The following PDZD2 variants were observed in gnomAD, a reference collection of about 807,000 sequenced individuals.
The protein encoded by PDZD2 is PDZ domain containing 2.
A neutral mutation model predicts 220.7 loss-of-function variants in PDZD2; 90 were observed. That is an observed-to-expected ratio of 0.41 (90% CI 0.34 to 0.49). PDZD2 has a LOEUF of 0.49. Among genes scored for constraint, PDZD2 ranks in the 20% least tolerant of loss-of-function variants. PDZD2 has a pLI of 0.28. For missense variants in PDZD2, 3,174 were observed against 3,608.5 expected (o/e 0.88, Z 3.08); for synonymous variants, 1,375 against 1,450.5 (o/e 0.95, Z 1.18).
intron 2 of PDZD2, among the ~76,000 whole-genome samples, chr5:31,942,581 C>T (rs1174468754): frequency 2.6e-5 from 4 of 152,196 alleles, no homozygotes; most frequent in Non-Finnish European, 5.9e-5. Flanking sequence ...GTAATCCTCC[C>T]GCCTCAGCTT....
chr5:31,747,574 C>G (rs936087894), intron 1 of PDZD2: 1 of 152,270 alleles, frequency 6.6e-6, no homozygotes, highest in African/African-American at 2.4e-5. Context: ...CCCAAGCATC[C>G]ACCTCCTTTT....
chr5:31,984,890 G>A (rs1750595560), intron 3 of PDZD2, among the ~76,000 whole-genome samples: 1 of 152,180 alleles, frequency 6.6e-6, no homozygotes, highest in Non-Finnish European at 1.5e-5. Flanking sequence ...CTGGGGGTAA[G>A]TGTGATTTCT....
chr5:31,693,142 C>G (rs61691929), intron 1 of PDZD2, among the ~76,000 whole-genome samples: 19,935 of 145,504 alleles, frequency 0.14, 1,508 homozygotes, highest in East Asian at 0.23. Flanking sequence ...CCTCTGCAAG[C>G]TCGGAGCTAA....
rs556702223 is a variant in PDZD2, at chr5:32,048,410, A to G, written c.1520-129A>G. The G allele has an allele frequency of 2.9e-3, 2,031 of 696,394 alleles. 4 individuals carry two copies. The highest frequency in any genetic ancestry group is 3.8e-3 in the Admixed American group (154 of 41,056). 43.1% of individuals were successfully genotyped at this position (696,394 alleles called of 1,614,324 possible). ...AGGATGGGCTAGGCTCTGTGCTTTG[A>G]GTGTATTGGACGCTAGGCTTCTCAA... On this transcript the variant is annotated intron_variant, in intron 7 of 24. Coordinates refer to ENST00000438447, the MANE Select transcript of PDZD2 (RefSeq NM_178140.4).
chr5:31,778,388 TCTTTGGGTCTG>T (rs1752841154), intron 1 of PDZD2, among the ~76,000 whole-genome samples: 1 of 152,166 alleles, frequency 6.6e-6, no homozygotes, highest in African/African-American at 2.4e-5. Flanking sequence ...TGCTGCTCAC[TCTTTGGGTCTG>T]CACTGCCTTT....
intron 1 of PDZD2, among the ~76,000 whole-genome samples, chr5:31,717,546 C>T (rs1748527384): frequency 1.3e-5 from 2 of 151,680 alleles, no homozygotes; most frequent in African/African-American, 4.9e-5. Context: ...CTGCCTCCCT[C>T]CCCCTTAACC....
At chr5:32,072,485 C>T (rs1740850526) in intron 17 of PDZD2, among the ~76,000 whole-genome samples, 168 bp downstream of exon 17, 1 of 152,156 alleles carries the variant, frequency 6.6e-6, no homozygotes, top group Non-Finnish European at 1.5e-5. Flanking sequence ...AATCCTAGCA[C>T]TTGGGGAGGC....
At chr5:31,974,562 C>G (rs1172904571) in intron 2 of PDZD2, among the ~76,000 whole-genome samples, 1 of 152,120 alleles carries the variant, frequency 6.6e-6, no homozygotes, top group African/African-American at 2.4e-5. Context: ...AGCTACCAAG[C>G]TAATGCACCA....
chr5:31,665,644 T>TA (rs1554060781), intron 1 of PDZD2, among the ~76,000 whole-genome samples: 1 of 119,086 alleles, frequency 8.4e-6, no homozygotes, highest in Non-Finnish European at 1.7e-5. Flanking sequence ...AAGTTCCCCC[T>TA]CCCCCCCCTC....
intron 2 of PDZD2, among the ~76,000 whole-genome samples, chr5:31,854,725 C>T (rs1250665850): frequency 6.6e-6 from 1 of 152,000 alleles, no homozygotes; most frequent in East Asian, 1.9e-4. Context: ...ACAAAGGTGT[C>T]TGGATGAGAA....
intron 5 of PDZD2, among the ~76,000 whole-genome samples, chr5:32,007,017 G>A (rs551321269): frequency 1.7e-4 from 24 of 138,606 alleles, no homozygotes; most frequent in Non-Finnish European, 3.0e-4. Flanking sequence ...CCAGGCTTAC[G>A]CCATTCTCCT....
intron 2 of PDZD2, chr5:31,847,819 G>A: frequency 1.8e-6 from 1 of 560,088 alleles, no homozygotes; most frequent in Admixed American, 1.9e-5. Flanking sequence ...TTATGATTCT[G>A]AAAGCAAGGA....
chr5:31,784,844 T>C (rs974144241), intron 1 of PDZD2, among the ~76,000 whole-genome samples: 2 of 151,756 alleles, frequency 1.3e-5, no homozygotes, highest in African/African-American at 4.8e-5. Flanking sequence ...GAGGTGGAGG[T>C]TGCAGTGAGC....
At chr5:32,058,797 A>C (rs161544) in intron 12 of PDZD2, among the ~76,000 whole-genome samples, 12 of 152,302 alleles carry the variant, frequency 7.9e-5, no homozygotes, top group Middle Eastern at 3.4e-3. Flanking sequence ...ATGCGTGATC[A>C]CCAAATCTTA....
intron 5 of PDZD2, among the ~76,000 whole-genome samples, chr5:32,005,008 C>T (rs1055457765): frequency 1.3e-5 from 2 of 152,208 alleles, no homozygotes; most frequent in Non-Finnish European, 2.9e-5. Flanking sequence ...TAAACTGCTA[C>T]AGCAGCTGCC....
chr5:31,659,927 A>C (rs1435877072), intron 1 of PDZD2, among the ~76,000 whole-genome samples: 2 of 152,216 alleles, frequency 1.3e-5, no homozygotes, highest in African/African-American at 4.8e-5. Context: ...CCCATCCTGC[A>C]TACTTTGTCG....
At chr5:32,094,946 T>C (rs1460190527) in intron 21 of PDZD2, among the ~76,000 whole-genome samples, 2 of 152,168 alleles carry the variant, frequency 1.3e-5, no homozygotes, top group East Asian at 3.9e-4. Context: ...TAGCCCCTCA[T>C]CTCTCTTCCT....
chr5:31,677,970 T>C (rs1327095936), intron 1 of PDZD2, among the ~76,000 whole-genome samples: 1 of 152,120 alleles, frequency 6.6e-6, no homozygotes, highest in Non-Finnish European at 1.5e-5. Flanking sequence ...AAAGATGGTT[T>C]CATGGATAAT....
intron 2 of PDZD2, among the ~76,000 whole-genome samples, chr5:31,950,972 G>C (rs958338139): frequency 6.6e-6 from 1 of 152,214 alleles, no homozygotes; most frequent in Non-Finnish European, 1.5e-5. Context: ...GGCAGATTCA[G>C]TGTCTGGTGT....
Sources: gnomAD v4.1 joint callset for allele counts (sites outside exome capture counted in the v4.1 genomes callset) on GRCh38, gnomAD v4.1.1 for gene constraint, MANE v1.5 for transcripts, NCBI Gene and HGNC (gene_info 2026-07-23, HGNC 2026-07-21) for gene names.